The following LGI3 variants were observed in gnomAD, a reference collection of about 807,000 sequenced individuals.
LGI3 encodes the protein leucine rich repeat LGI family member 3.
LGI3 carries 47 observed loss-of-function variants against 55.4 expected under a neutral mutation model. That is an observed-to-expected ratio of 0.85 (90% CI 0.67 to 1.08). LGI3 has a LOEUF of 1.08. Among genes scored for constraint, LGI3 ranks in the 50% least tolerant of loss-of-function variants. The pLI is 0.00. For synonymous variants in LGI3, 326 were observed against 315.0 expected (o/e 1.04, Z -0.37); for missense variants, 664 against 726.3 (o/e 0.91, Z 0.99).
In LGI3 at chr8:22,147,693, G is replaced by A. The variant is rs925263438; in HGVS notation, c.*467C>T. On this transcript the variant is annotated 3_prime_UTR_variant, in exon 8 of 8. Transcript: ENST00000306317. ...CATGCAGACGGGGTGGGGCAGGGGT[G>A]AGTGGCCCCGGGGAAGCATGACAGA... The A allele has an allele frequency of 1.8e-5, 3 of 169,418 alleles. No homozygotes were observed. The highest frequency in any genetic ancestry group is 7.2e-5 in the African/African-American group (3 of 41,698). The allele number at this position is 169,418 out of a possible 1,614,324, so 10.5% of individuals were successfully genotyped here. A position where few individuals can be genotyped will look rare whatever the true frequency, so the allele number is the denominator to read the frequency against.
chr8:22,153,831 C>G, intron 5 of LGI3, 137 bp downstream of exon 5: 2 of 815,946 alleles, frequency 2.5e-6, no homozygotes, highest in African/African-American at 1.7e-5. Flanking sequence ...CACCTCCTCA[C>G]CTCCTCAGGG....
Position 22,154,972 on chromosome 8 carries a change from C to T in LGI3, c.279-341G>A, listed in dbSNP as rs186062637. 256 of 417,518 alleles carry T rather than the reference C, an allele frequency of 6.1e-4. 2 individuals are homozygous for T. The highest frequency in any genetic ancestry group is 4.3e-3 in the African/African-American group (214 of 49,820). 25.9% of individuals were successfully genotyped at this position (417,518 alleles called of 1,614,324 possible). A position where few individuals can be genotyped will look rare whatever the true frequency, so the allele number is the denominator to read the frequency against. The stretch of plus-strand genomic sequence containing the variant: ...CTCATGGACAACTGTCCCTCATGGA[C>T]GGCATCTTGTAGGGTTGGAGACACT... On this transcript the variant is annotated intron_variant, in intron 2 of 7. Transcript: ENST00000306317.
intron 4 of LGI3, 41 bp downstream of exon 4, chr8:22,154,101 G>A (rs578165310): frequency 1.2e-5 from 19 of 1,609,972 alleles, no homozygotes; most frequent in African/African-American, 2.7e-5. Context: ...CACAGGAGAG[G>A]TGGGGCTTTG....
At chr8:22,154,750 G>A in intron 2 of LGI3, 119 bp from the exon 3 acceptor site, 3 of 763,482 alleles carry the variant, frequency 3.9e-6, no homozygotes, top group African/African-American at 1.7e-5. Context: ...TACCCCTGGG[G>A]ACCCCATGGG....
chr8:22,150,544 G>C (rs1827364860), intron 7 of LGI3, among the ~76,000 whole-genome samples: 1 of 151,906 alleles, frequency 6.6e-6, no homozygotes. Context: ...ATTTTTAGTA[G>C]AGACAGGGTT....
chr8:22,154,452 T>A, intron 3 of LGI3, 108 bp downstream of exon 3: 1 of 1,013,354 alleles, frequency 9.9e-7, no homozygotes, highest in Non-Finnish European at 1.6e-6. Context: ...TCCCATCACC[T>A]TCCCTTCCTG....
intron 3 of LGI3, 46 bp from the exon 4 acceptor site, chr8:22,154,259 AC>A: frequency 6.7e-7 from 1 of 1,502,208 alleles, no homozygotes; most frequent in Non-Finnish European, 9.3e-7. Flanking sequence ...AGGATGCCAG[AC>A]CCCCAGCAGC....
At position 22,148,155 on chromosome 8, in the gene LGI3, A is replaced by AC. The variant is rs1827329658; in HGVS notation, c.*4dup. On this transcript the variant is annotated 3_prime_UTR_variant, in exon 8 of 8. Transcript: ENST00000306317. The surrounding 1 kb of genome is among the most constrained non-coding windows in gnomAD (Gnocchi z 7.0). ...CCCTGAGGAGACCAGAGGCCTCGGC[A>AC]CCCCCTAGGCACTGAGATCCACCAC... is the stretch of plus-strand genomic sequence containing the variant. 4 of 1,577,030 alleles carry AC rather than the reference A, an allele frequency of 2.5e-6. No individual in the cohort carries two copies. In the Admixed American group the frequency reaches 7.3e-5, roughly 29 times the overall value.
intron 1 of LGI3, 55 bp from the exon 2 acceptor site, chr8:22,155,518 G>A (rs756723163): frequency 1.4e-6 from 2 of 1,471,168 alleles, no homozygotes; most frequent in Non-Finnish European, 1.9e-6. Flanking sequence ...TGCTGAGGCA[G>A]GGAGAGGTGA....
In LGI3 at chr8:22,148,093, G is replaced by C. The variant is rs914495581; in HGVS notation, c.*67C>G. On this transcript the variant is annotated 3_prime_UTR_variant, in exon 8 of 8. Transcript: ENST00000306317. The surrounding 1 kb of genome is among the most constrained non-coding windows in gnomAD (Gnocchi z 7.0). ...GCTTGTCTTCACACAGGCATACGTG[G>C]TGCTCACAGAGGCCCCCACCCATCC... The C allele has an allele frequency of 1.5e-6, 2 of 1,331,772 alleles. No individual in the cohort carries two copies. The highest frequency in any genetic ancestry group is 4.5e-5 in the Admixed American group (2 of 44,832). 82.5% of individuals were successfully genotyped at this position (1,331,772 alleles called of 1,614,324 possible).
At chr8:22,155,672 G>A (rs529121041) in intron 1 of LGI3, among the ~76,000 whole-genome samples, 1 of 152,326 alleles carries the variant, frequency 6.6e-6, no homozygotes, top group East Asian at 1.9e-4. Context: ...GCCTCTTGGG[G>A]CACCCATGGC....
chr8:22,156,252 G>A (rs1362365727), intron 1 of LGI3, 85 bp downstream of exon 1: 11 of 1,423,326 alleles, frequency 7.7e-6, no homozygotes, highest in Non-Finnish European at 9.7e-6. Context: ...TGAAGAGGGG[G>A]AGCGGGGGTT....
intron 2 of LGI3, chr8:22,155,107 T>C: frequency 2.0e-6 from 1 of 501,168 alleles, no homozygotes; most frequent in African/African-American, 1.9e-5. Flanking sequence ...TAGCCCAGGC[T>C]ATCGCACCCA....
intron 5 of LGI3, 112 bp downstream of exon 5, chr8:22,153,856 C>G: frequency 9.0e-7 from 1 of 1,114,476 alleles, no homozygotes. Context: ...CCCACCCAAG[C>G]CTTCCCAGCC....
chr8:22,150,107 T>C (rs1461567620), intron 7 of LGI3, among the ~76,000 whole-genome samples: 1 of 152,170 alleles, frequency 6.6e-6, no homozygotes, highest in Admixed American at 6.6e-5. Context: ...CCTTCCCTGA[T>C]CAGTCCCCAA....
Position 22,147,787 on chromosome 8 carries a change from A to G in LGI3, c.*373T>C. ...GCCTGGAGCACCAACAGGAAAGACC[A>G]GAGGGGCAGAAGGAGAAGCACAAGG... On this transcript the variant is annotated 3_prime_UTR_variant, in exon 8 of 8. Transcript: ENST00000306317. 1 of 206,452 alleles carries G rather than the reference A, an allele frequency of 4.8e-6. No individual in the cohort carries two copies. The highest frequency in any genetic ancestry group is 9.8e-6 in the Non-Finnish European group (1 of 101,654). The allele number at this position is 206,452 out of a possible 1,614,324, so 12.8% of individuals were successfully genotyped here.
chr8:22,151,515 T>G lies in LGI3; in HGVS notation c.803A>C (p.Gln268Pro). The change falls in exon 7 of 8, where the codon CAG (glutamine) becomes CCG (proline). Residue 268 changes from glutamine to proline, a missense_variant. By Grantham distance (76) the Gln-to-Pro change is moderately conservative (BLOSUM62 -1). Coordinates refer to ENST00000306317, the MANE Select transcript of LGI3 (RefSeq NM_139278.4). The part of the protein sequence containing the change: ...TILKWDYVER[Q>P]LRDYDRIPAP... ...TGGGATTCTATCATAGTCTCGAAGC[T>G]GCCGCTCAACATAGTCCCACTTCAG... 1 of 1,614,106 alleles carries G rather than the reference T, an allele frequency of 6.2e-7. No individual in the cohort carries two copies. Among genetic ancestry groups the G allele is most frequent in the Non-Finnish European group, 8.5e-7 (1 of 1,180,020 alleles).
chr8:22,150,360 T>TC (rs1324195474), intron 7 of LGI3, among the ~76,000 whole-genome samples: 1 of 136,078 alleles, frequency 7.3e-6, no homozygotes, highest in East Asian at 2.0e-4. Flanking sequence ...TATTTTTTTT[T>TC]TTTTTTTTTT....
chr8:22,154,464 G>T, intron 3 of LGI3, 96 bp downstream of exon 3: 2 of 1,083,778 alleles, frequency 1.8e-6, no homozygotes, highest in East Asian at 2.4e-5. Context: ...CCCTTCCTGC[G>T]GCATTCTCAT....
Sources: gnomAD v4.1 joint callset for allele counts (sites outside exome capture counted in the v4.1 genomes callset) on GRCh38, gnomAD v4.1.1 for gene constraint, Gnocchi (gnomAD v3.1) non-coding constraint, MANE v1.5 for transcripts, NCBI Gene and HGNC (gene_info 2026-07-23, HGNC 2026-07-21) for gene names.